Variants in TPD52L1 observed in about 807,000 individuals in gnomAD.
TPD52L1 encodes TPD52 like 1, also known as tumor protein D53.
A neutral mutation model predicts 28.7 loss-of-function variants in TPD52L1; 18 were observed. The observed-to-expected ratio is 0.63, with a 90% confidence interval of 0.43 to 0.93. TPD52L1 has a LOEUF of 0.93. Ranked by LOEUF, TPD52L1 falls within the 40% of genes least tolerant of loss-of-function variation. TPD52L1 has a pLI of 0.00. For synonymous variants in TPD52L1, 75 were observed against 88.8 expected (o/e 0.84, Z 0.88); for missense variants, 203 against 254.8 (o/e 0.80, Z 1.39).
chr6:125,233,729 C>T (rs1174136826), intron 3 of TPD52L1, among the ~76,000 whole-genome samples: 2 of 152,108 alleles, frequency 1.3e-5, no homozygotes. Flanking sequence ...ATATCTTCTT[C>T]TAAAAAGATG....
intron 1 of TPD52L1, among the ~76,000 whole-genome samples, chr6:125,171,940 T>G (rs751522115): frequency 1.3e-4 from 20 of 152,114 alleles, no homozygotes; most frequent in African/African-American, 2.9e-4. Context: ...ATATTTTTTT[T>G]TGTGCTCTTG....
At chr6:125,167,770 A>T (rs2114764166) in intron 1 of TPD52L1, among the ~76,000 whole-genome samples, 1 of 152,238 alleles carries the variant, frequency 6.6e-6, no homozygotes, top group Non-Finnish European at 1.5e-5. Context: ...CCTCCTTTAC[A>T]GAAGTCATTG....
Position 125,257,166 on chromosome 6 carries a change from T to C in TPD52L1, c.486+8T>C. The stretch of plus-strand genomic sequence containing the variant: ...ACTGTCACAAGCCTCAAGGTACAGA[T>C]GAAGTGAATTCTGTGTGAGTGGGTC... On this transcript the variant is annotated splice_region_variant and intron_variant, in intron 6 of 6. Coordinates refer to ENST00000534000, the MANE Select transcript of TPD52L1 (RefSeq NM_003287.4). 2 of 1,608,230 alleles carry C rather than the reference T, an allele frequency of 1.2e-6. No homozygotes were observed. The highest frequency in any genetic ancestry group is 2.2e-5 in the East Asian group (1 of 44,688).
chr6:125,154,435 C>A (rs1789976651), intron 1 of TPD52L1: 2 of 987,788 alleles, frequency 2.0e-6, no homozygotes, highest in Non-Finnish European at 2.4e-6. Flanking sequence ...GAGGGGGTGG[C>A]TCCGCAGCCC....
At chr6:125,252,965 G>A (rs1022292511) in intron 4 of TPD52L1, 2 of 152,182 alleles carry the variant, frequency 1.3e-5, no homozygotes, top group Non-Finnish European at 2.9e-5. Context: ...CAAGCACTAG[G>A]CCAGGAAAAT....
intron 1 of TPD52L1, among the ~76,000 whole-genome samples, chr6:125,210,091 G>A (rs941198371): frequency 1.3e-5 from 2 of 152,172 alleles, no homozygotes; most frequent in Non-Finnish European, 2.9e-5. Flanking sequence ...CTTATTTTTA[G>A]GATAAAGAGA....
intron 3 of TPD52L1, among the ~76,000 whole-genome samples, chr6:125,235,110 T>TAATAATAATAATAATAAC (rs1796181573): frequency 6.7e-6 from 1 of 148,880 alleles, no homozygotes; most frequent in Non-Finnish European, 1.5e-5. Flanking sequence ...ACAATAATAA[T>TAATAATAATAATAATAAC]AATAATAATA....
chr6:125,157,670 C>G (rs184702285), intron 1 of TPD52L1, among the ~76,000 whole-genome samples: 109 of 152,250 alleles, frequency 7.2e-4, no homozygotes, highest in African/African-American at 2.6e-3. Context: ...TTTAAACTAC[C>G]CTTCAATATT....
At chr6:125,253,561 C>T in intron 4 of TPD52L1, 156 bp from the exon 5 acceptor site, 1 of 676,866 alleles carries the variant, frequency 1.5e-6, no homozygotes, top group Non-Finnish European at 2.5e-6. Flanking sequence ...CCCATTATAC[C>T]CAACAAAAAC....
At chr6:125,195,675 C>CTTA (rs1793381831) in intron 1 of TPD52L1, among the ~76,000 whole-genome samples, 1 of 152,202 alleles carries the variant, frequency 6.6e-6, no homozygotes, top group African/African-American at 2.4e-5. Flanking sequence ...AGGTTTTACC[C>CTTA]TTAGGGCATC....
intron 3 of TPD52L1, among the ~76,000 whole-genome samples, chr6:125,242,255 G>A (rs7747015): frequency 0.22 from 32,992 of 151,956 alleles, 4,767 homozygotes; most frequent in African/African-American, 0.41. Context: ...GATGAAAAGA[G>A]TGTATACTGC....
chr6:125,197,000 T>G (rs1303934592), intron 1 of TPD52L1, among the ~76,000 whole-genome samples: 1 of 151,770 alleles, frequency 6.6e-6, no homozygotes, highest in East Asian at 1.9e-4. Context: ...AGAATAATCA[T>G]GTCCTGAATC....
chr6:125,205,574 G>C (rs561357052), intron 1 of TPD52L1, among the ~76,000 whole-genome samples: 53 of 152,238 alleles, frequency 3.5e-4, no homozygotes, highest in African/African-American at 1.3e-3. Flanking sequence ...TTAGGTCTTG[G>C]CCACAGAGAT....
At chr6:125,252,008 C>T in intron 4 of TPD52L1, 3 of 1,536,100 alleles carry the variant, frequency 2.0e-6, no homozygotes, top group Non-Finnish European at 2.6e-6. Context: ...CTCTCCTGTG[C>T]TTCCGGGCTG....
chr6:125,221,116 G>T (rs942996263), intron 2 of TPD52L1, among the ~76,000 whole-genome samples: 2 of 152,182 alleles, frequency 1.3e-5, no homozygotes, highest in Non-Finnish European at 2.9e-5. Flanking sequence ...GATAGTGTTT[G>T]TCTATGACAG....
chr6:125,179,051 G>A (rs112434573), intron 1 of TPD52L1, among the ~76,000 whole-genome samples: 1 of 152,176 alleles, frequency 6.6e-6, no homozygotes, highest in African/African-American at 2.4e-5. Flanking sequence ...CCACCCAAGT[G>A]GAACTACCTT....
intron 1 of TPD52L1, among the ~76,000 whole-genome samples, chr6:125,201,132 G>C (rs1054731885): frequency 1.3e-5 from 2 of 152,170 alleles, no homozygotes; most frequent in African/African-American, 4.8e-5. Flanking sequence ...GTACCAAAGA[G>C]GAAGTCAATC....
intron 1 of TPD52L1, among the ~76,000 whole-genome samples, chr6:125,193,404 T>C (rs917077027): frequency 6.6e-6 from 1 of 152,134 alleles, no homozygotes; most frequent in African/African-American, 2.4e-5. Context: ...TGAGTCACTG[T>C]TCCTCATGGG....
At chr6:125,179,879 G>A (rs1008417397) in intron 1 of TPD52L1, among the ~76,000 whole-genome samples, 1 of 152,132 alleles carries the variant, frequency 6.6e-6, no homozygotes, top group East Asian at 1.9e-4. Flanking sequence ...CATTATTTGG[G>A]CATTCTAAGG....
Sources: allele counts gnomAD v4.1 joint callset (sites outside exome capture counted in the v4.1 genomes callset), GRCh38; gene constraint gnomAD v4.1.1; transcripts MANE v1.5; gene names NCBI Gene and HGNC (gene_info 2026-07-23, HGNC 2026-07-21).